STPG2: variants seen among roughly 807,000 people sequenced by gnomAD.
STPG2 encodes sperm tail PG-rich repeat containing 2.
In STPG2, 56 loss-of-function variants were observed where a neutral mutation model predicts 54.2. The observed-to-expected ratio is 1.03, with a 90% CI of 0.83 to 1.29. STPG2 has a LOEUF of 1.29. Among genes scored for constraint, STPG2 ranks in the 50% most tolerant of loss-of-function variants. The probability of loss-of-function intolerance (pLI) is 0.00; values close to 1 mark genes in which losing one functional copy is unlikely to be tolerated. For missense variants in STPG2, 596 were observed against 544.9 expected, an observed-to-expected ratio of 1.09 and a Z score of -0.93; for synonymous variants, 200 against 181.8, an observed-to-expected ratio of 1.10 and a Z score of -0.81.
chr4:97,749,583 G>C (rs371625470), intron 9 of STPG2, among the ~76,000 whole-genome samples: 5 of 151,642 alleles, frequency 3.3e-5, no homozygotes, highest in African/African-American at 7.3e-5. Flanking sequence ...AAATATTTGA[G>C]TGATTTATTT....
intron 8 of STPG2, among the ~76,000 whole-genome samples, chr4:97,899,519 T>G (rs1247990254): frequency 6.6e-6 from 1 of 151,816 alleles, no homozygotes; most frequent in Non-Finnish European, 1.5e-5. Flanking sequence ...GCCAAGGTAA[T>G]TCTAAGCAAA....
chr4:98,064,975 T>C (rs1030601262), intron 5 of STPG2, among the ~76,000 whole-genome samples: 2 of 152,156 alleles, frequency 1.3e-5, no homozygotes, highest in Non-Finnish European at 2.9e-5. Flanking sequence ...ACATAGCTCA[T>C]TGCAGCCTGA....
intron 10 of STPG2, among the ~76,000 whole-genome samples, chr4:97,615,740 C>T (rs1733844713): frequency 1.3e-5 from 2 of 151,604 alleles, no homozygotes; most frequent in African/African-American, 2.4e-5. Context: ...AAGCTGTGTA[C>T]CATTGAGCAG....
At chr4:97,871,312 G>T (rs545133935) in intron 8 of STPG2, among the ~76,000 whole-genome samples, 17 of 150,824 alleles carry the variant, frequency 1.1e-4, no homozygotes, top group African/African-American at 3.4e-4. Flanking sequence ...TGAAGGTAGA[G>T]AATTTTTTAA....
intron 8 of STPG2, among the ~76,000 whole-genome samples, chr4:97,914,068 T>G (rs1035158599): frequency 6.6e-6 from 1 of 152,146 alleles, no homozygotes; most frequent in South Asian, 2.1e-4. Flanking sequence ...GACCTACACA[T>G]GCAATACAAT....
At chr4:97,570,855 G>T (rs1027748860) in intron 10 of STPG2, among the ~76,000 whole-genome samples, 1 of 152,066 alleles carries the variant, frequency 6.6e-6, no homozygotes, top group African/African-American at 2.4e-5. Context: ...CATTCCTTGG[G>T]TGTCTTCCAC....
Position 97,480,641 on chromosome 4 carries a change from A to G in STPG2, c.462+232058T>C, listed in dbSNP as rs116175700. On this transcript the variant is annotated intron_variant, in intron 4 of 4. Coordinates refer to the STPG2 transcript ENST00000522676. ...TTTAATTTTAGCTGTTGTAGTAGGT[A>G]TGTAATGTGGTTTTAATTTTGCATT... 6.0e-3 allele frequency among the ~76,000 whole-genome samples: 917 copies of G among 151,690 alleles called. 5 individuals are homozygous for G. The highest frequency in any genetic ancestry group is 0.02 in the South Asian group (98 of 4,826).
intron 5 of STPG2, among the ~76,000 whole-genome samples, chr4:98,079,353 C>T (rs1032372977): frequency 2.6e-5 from 4 of 152,200 alleles, no homozygotes; most frequent in African/African-American, 9.6e-5. Flanking sequence ...CATCTGTTCA[C>T]TACTGACAAT....
At chr4:97,671,234 T>A (rs1361019415) in intron 10 of STPG2, among the ~76,000 whole-genome samples, 5 of 152,224 alleles carry the variant, frequency 3.3e-5, no homozygotes, top group Admixed American at 6.5e-5. Context: ...TTTTGTAACA[T>A]CTCACATATT....
At chr4:97,945,606 T>A (rs1195195895) in intron 7 of STPG2, among the ~76,000 whole-genome samples, 1 of 152,170 alleles carries the variant, frequency 6.6e-6, no homozygotes. Context: ...AAATCGTAGA[T>A]CTATTTTTAG....
intron 9 of STPG2, among the ~76,000 whole-genome samples, chr4:97,765,274 G>A (rs1726007163): frequency 6.6e-6 from 1 of 152,094 alleles, no homozygotes; most frequent in African/African-American, 2.4e-5. Flanking sequence ...TTCAATCCAG[G>A]AAACTCCACT....
chr4:97,712,725 T>A lies in STPG2; in HGVS notation c.1294A>T (p.Ile432Phe). 6.3e-7 allele frequency: 1 copy of A among 1,596,526 alleles called. No homozygotes were observed. Among genetic ancestry groups the A allele is most frequent in the Non-Finnish European group, 8.5e-7 (1 of 1,170,272 alleles). Residue 432 changes from isoleucine to phenylalanine, a missense_variant, in exon 10 of 11, where the codon ATT (isoleucine) becomes TTT (phenylalanine). Physicochemically the swap from Ile to Phe is conservative, Grantham distance 21. Coordinates refer to ENST00000295268, the MANE Select transcript of STPG2 (RefSeq NM_174952.3). ...TCATATGTTGCTGGGCCTGGAGTAA[T>A]CTCTTTGGACTCTTCAAAGCGCTTT... ...ASKRFEESKE[I>F]TPGPATYEIS...
intron 10 of STPG2, among the ~76,000 whole-genome samples, chr4:97,585,984 C>T (rs1732988869): frequency 6.6e-6 from 1 of 151,644 alleles, no homozygotes; most frequent in African/African-American, 2.4e-5. Flanking sequence ...TGTTCAAAAC[C>T]ATAAAGAGAA....
chr4:97,728,603 GA>G (rs1724691974), intron 9 of STPG2, among the ~76,000 whole-genome samples: 1 of 151,792 alleles, frequency 6.6e-6, no homozygotes, highest in South Asian at 2.1e-4. Context: ...CAACCTTGGT[GA>G]AAGCCTTATT....
intron 10 of STPG2, among the ~76,000 whole-genome samples, chr4:97,693,447 G>A (rs1248162303): frequency 6.6e-6 from 1 of 152,056 alleles, no homozygotes; most frequent in Non-Finnish European, 1.5e-5. Context: ...TACGGAAATT[G>A]TAAAATGATA....
At position 97,718,664 on chromosome 4, in the gene STPG2, A is replaced by G. The variant is rs546494890; in HGVS notation, c.1205-5850T>C. On this transcript the variant is annotated intron_variant, in intron 9 of 10. Transcript: ENST00000295268. ...TTAAAAAAGAACTATTAGATTAACC[A>G]TTGAATATTTCAGTAACCTTTGTCC... 1.6e-3 allele frequency among the ~76,000 whole-genome samples: 238 copies of G among 152,170 alleles called. 1 individual carries two copies. The highest frequency in any genetic ancestry group is 5.6e-3 in the African/African-American group (234 of 41,580).
At chr4:98,056,251 G>A (rs1737481227) in intron 5 of STPG2, among the ~76,000 whole-genome samples, 1 of 151,996 alleles carries the variant, frequency 6.6e-6, no homozygotes. Context: ...TGCTTGTGGG[G>A]GACAGAGAAG....
intron 5 of STPG2, among the ~76,000 whole-genome samples, chr4:98,004,242 C>T: frequency 6.6e-6 from 1 of 152,134 alleles, no homozygotes; most frequent in Non-Finnish European, 1.5e-5. Flanking sequence ...GATCATGCAT[C>T]TTTCTGTGTC....
chr4:97,468,609 C>T (rs1191718609), intron 4 of STPG2, among the ~76,000 whole-genome samples: 1 of 151,968 alleles, frequency 6.6e-6, no homozygotes, highest in South Asian at 2.1e-4. Flanking sequence ...GATAGTTAAA[C>T]GTGGTAATAA....
Sources: gnomAD v4.1 joint callset for allele counts (sites outside exome capture counted in the v4.1 genomes callset) on GRCh38, gnomAD v4.1.1 for gene constraint, MANE v1.5 for transcripts, NCBI Gene and HGNC (gene_info 2026-07-23, HGNC 2026-07-21) for gene names.